The following SLC39A11 variants were observed in gnomAD, a reference collection of about 807,000 sequenced individuals.
SLC39A11 encodes zinc transporter ZIP11.
In SLC39A11, 33 loss-of-function variants were observed where a neutral mutation model predicts 36.1. That is an observed-to-expected ratio of 0.91 (90% CI 0.69 to 1.22). The LOEUF is 1.22. Ranked by LOEUF, SLC39A11 falls within the 50% of genes most tolerant of loss-of-function variation. SLC39A11 has a pLI of 0.00. For missense variants in SLC39A11, 432 were observed against 430.3 expected, an observed-to-expected ratio of 1.00 and a Z score of -0.03; for synonymous variants, 166 against 170.3, an observed-to-expected ratio of 0.97 and a Z score of 0.20.
chr17:72,905,210 C>A (rs1211174834), intron 5 of SLC39A11, among the ~76,000 whole-genome samples: 1 of 143,368 alleles, frequency 7.0e-6, no homozygotes, highest in Non-Finnish European at 1.5e-5. Context: ...ATAGCACAGG[C>A]CATGATTCTC....
intron 3 of SLC39A11, among the ~76,000 whole-genome samples, chr17:73,036,370 T>C (rs1209167032): frequency 4.6e-5 from 7 of 152,176 alleles, no homozygotes; most frequent in South Asian, 2.1e-4. Flanking sequence ...AGTGGTACAA[T>C]TGATACAGCT....
chr17:72,739,916 G>A (rs1295755487), intron 6 of SLC39A11, among the ~76,000 whole-genome samples: 1 of 152,018 alleles, frequency 6.6e-6, no homozygotes, highest in South Asian at 2.1e-4. Flanking sequence ...TAATATTGAC[G>A]TTACCAAGAA....
intron 5 of SLC39A11, among the ~76,000 whole-genome samples, chr17:72,927,352 G>A (rs1234795853): frequency 6.6e-6 from 1 of 152,162 alleles, no homozygotes; most frequent in Non-Finnish European, 1.5e-5. Context: ...ATGAGTCACT[G>A]CGCCCAGTCC....
chr17:72,880,413 C>CA (rs141835863), intron 5 of SLC39A11, among the ~76,000 whole-genome samples: 1,762 of 150,892 alleles, frequency 0.012, 27 homozygotes, highest in African/African-American at 0.04. Context: ...TACTCCCCCA[C>CA]AAAAAAAAAC....
At chr17:72,858,646 G>A (rs2079791163) in intron 5 of SLC39A11, among the ~76,000 whole-genome samples, 1 of 152,042 alleles carries the variant, frequency 6.6e-6, no homozygotes, top group Non-Finnish European at 1.5e-5. Flanking sequence ...TATCATCTCT[G>A]ATTTCTTTGA....
At chr17:73,034,453 C>T (rs2058838602) in intron 3 of SLC39A11, among the ~76,000 whole-genome samples, 1 of 152,216 alleles carries the variant, frequency 6.6e-6, no homozygotes, top group Non-Finnish European at 1.5e-5. Flanking sequence ...AACTTCTGAC[C>T]TCAAGTGATC....
At chr17:73,040,444 T>C (rs1316865321) in intron 3 of SLC39A11, among the ~76,000 whole-genome samples, 1 of 152,212 alleles carries the variant, frequency 6.6e-6, no homozygotes, top group Non-Finnish European at 1.5e-5. Context: ...TCCTGATTGG[T>C]ATCTGAGAAC....
intron 5 of SLC39A11, among the ~76,000 whole-genome samples, chr17:72,911,707 G>A (rs2083011200): frequency 6.6e-6 from 1 of 152,144 alleles, no homozygotes; most frequent in Non-Finnish European, 1.5e-5. Flanking sequence ...ACAATGGTGT[G>A]ATCTCAGCTC....
At chr17:72,815,079 G>C (rs1398090337) in intron 6 of SLC39A11, among the ~76,000 whole-genome samples, 1 of 152,184 alleles carries the variant, frequency 6.6e-6, no homozygotes, top group African/African-American at 2.4e-5. Flanking sequence ...CAACCCAGGA[G>C]TTATTGGTGG....
rs556187733 is a variant in SLC39A11 at position 73,007,381 on chromosome 17, A to C, written c.306+24175T>G. Among the ~76,000 whole-genome samples, 78 of 152,178 alleles carry C rather than the reference A, an allele frequency of 5.1e-4. 1 individual carries two copies. The highest frequency in any genetic ancestry group is 3.7e-3 in the Admixed American group (56 of 15,276). On this transcript the variant is annotated intron_variant, in intron 4 of 9. Transcript: ENST00000255559. ...GGTTGCAGTGAGCCAAGATTATGCC[A>C]CTGCACTCCAGCCTGGTCAGCAAGA...
intron 1 of SLC39A11, among the ~76,000 whole-genome samples, chr17:73,091,419 G>A (rs991557277): frequency 2.6e-5 from 4 of 151,952 alleles, no homozygotes; most frequent in Non-Finnish European, 4.4e-5. Flanking sequence ...ACTCCAGTCC[G>A]GGTGACAGAG....
intron 4 of SLC39A11, among the ~76,000 whole-genome samples, chr17:72,953,635 C>G (rs1568013300): frequency 1.3e-5 from 2 of 152,220 alleles, no homozygotes; most frequent in African/African-American, 4.8e-5. Flanking sequence ...CATATTAAGT[C>G]TACAAGGGCG....
At chr17:72,837,818 A>T in intron 6 of SLC39A11, 2 of 593,846 alleles carry the variant, frequency 3.4e-6, no homozygotes, top group Non-Finnish European at 4.9e-6. Context: ...GATACCGTTT[A>T]AATGAAAGTC....
intron 4 of SLC39A11, among the ~76,000 whole-genome samples, chr17:72,990,132 T>A (rs1036973052): frequency 6.6e-6 from 1 of 152,218 alleles, no homozygotes; most frequent in Admixed American, 6.5e-5. Context: ...CAAAAATTGG[T>A]GACATGCACT....
chr17:72,923,582 A>G (rs552602856), intron 5 of SLC39A11, among the ~76,000 whole-genome samples: 1 of 152,340 alleles, frequency 6.6e-6, no homozygotes, highest in African/African-American at 2.4e-5. Flanking sequence ...GCAGTAACAC[A>G]TTTAGTAAAA....
At chr17:72,756,185 A>G (rs1340408712) in intron 6 of SLC39A11, among the ~76,000 whole-genome samples, 4 of 152,226 alleles carry the variant, frequency 2.6e-5, no homozygotes, top group African/African-American at 7.2e-5. Context: ...TGGTGATAGC[A>G]GTTGTGACGT....
intron 5 of SLC39A11, among the ~76,000 whole-genome samples, chr17:72,935,761 T>TTTTGTA: frequency 6.6e-6 from 1 of 152,062 alleles, no homozygotes; most frequent in African/African-American, 2.4e-5. Flanking sequence ...TTTTTTTGTA[T>TTTTGTA]TTTCGTAGAC....
Position 72,702,939 on chromosome 17 carries a change from C to CAAAAAAAAAA in SLC39A11, c.671+33701_671+33710dup, listed in dbSNP as rs57566412. ...GTGACAGAGTGAGACTCCATCTCAC[C>CAAAAAAAAAA]AAAAAAAAAAAAAAATGGAAGAAAG... On this transcript the variant is annotated intron_variant, in intron 7 of 9. Transcript: ENST00000255559. 4.5e-4 allele frequency among the ~76,000 whole-genome samples: 39 copies of CAAAAAAAAAA among 86,826 alleles called. 8 individuals are homozygous for CAAAAAAAAAA. Among genetic ancestry groups the CAAAAAAAAAA allele is most frequent in the Admixed American group, 1.2e-3 (7 of 5,872 alleles). 57.0% of individuals were successfully genotyped at this position (86,826 alleles called of 152,430 possible).
intron 4 of SLC39A11, among the ~76,000 whole-genome samples, chr17:73,023,771 G>GA (rs760451442): frequency 4.6e-5 from 7 of 152,324 alleles, no homozygotes; most frequent in Non-Finnish European, 1.0e-4. Context: ...TTACAGGTGT[G>GA]AGCCACCACA....
Sources: allele counts gnomAD v4.1 joint callset (sites outside exome capture counted in the v4.1 genomes callset), GRCh38; gene constraint gnomAD v4.1.1; transcripts MANE v1.5; gene names NCBI Gene and HGNC (gene_info 2026-07-23, HGNC 2026-07-21).